Variants in GLIS3 observed in about 807,000 individuals in gnomAD.
The protein encoded by GLIS3 is zinc finger protein GLIS3.
GLIS3 carries 53 observed loss-of-function variants against 78.6 expected under a neutral mutation model. The observed-to-expected ratio is 0.67, with a 90% CI of 0.54 to 0.85. The LOEUF is 0.85. Among genes scored for constraint, GLIS3 ranks in the 40% least tolerant of loss-of-function variants. GLIS3 has a pLI of 0.00. For missense variants in GLIS3, 1,703 were observed against 1,231.1 expected (o/e 1.38, Z -5.74); for synonymous variants, 684 against 509.9 (o/e 1.34, Z -4.60).
At chr9:3,956,896 C>A (rs1554657747) in intron 4 of GLIS3, among the ~76,000 whole-genome samples, 1 of 152,032 alleles carries the variant, frequency 6.6e-6, no homozygotes, top group East Asian at 1.9e-4. Flanking sequence ...CTCTCAGGCA[C>A]ATCAATAACA....
intron 2 of GLIS3, among the ~76,000 whole-genome samples, chr9:4,316,515 T>G (rs10739047): frequency 2.6e-5 from 4 of 152,130 alleles, no homozygotes; most frequent in African/African-American, 7.2e-5. Context: ...CTGGCCAGAT[T>G]CACTGTGTGG....
rs745417224 is a variant in GLIS3, at chr9:4,286,136, C to A, written c.290G>T (p.Arg97Leu). The change falls in exon 2 of 11, where the codon CGA (arginine) becomes CTA (leucine). Residue 97 changes from arginine to leucine, a missense_variant. Physicochemically the swap from Arg to Leu is moderately radical, Grantham distance 102. Transcript: ENST00000381971. ...RRQMLTNGKP[R>L]FQVTQAGGMS... ...GCCTCCAGCCTGGGTGACCTGGAATCGCGGCTTCCCATTGGTGAGCATTTG... is the reference window on the plus strand; with the variant it reads ...GCCTCCAGCCTGGGTGACCTGGAATAGCGGCTTCCCATTGGTGAGCATTTG... The A allele has an allele frequency of 1.2e-6, 2 of 1,613,730 alleles. No individual in the cohort carries two copies. Among genetic ancestry groups the A allele is most frequent in the Non-Finnish European group, 8.5e-7 (1 of 1,179,636 alleles).
chr9:4,216,193 C>T (rs1679031867), intron 2 of GLIS3, among the ~76,000 whole-genome samples: 1 of 151,772 alleles, frequency 6.6e-6, no homozygotes, highest in Admixed American at 6.6e-5. Flanking sequence ...TGGGTTGAGG[C>T]CAGGCACGGT....
intron 2 of GLIS3, among the ~76,000 whole-genome samples, chr9:4,251,073 G>A (rs1372759033): frequency 1.3e-5 from 2 of 152,172 alleles, no homozygotes; most frequent in East Asian, 1.9e-4. Context: ...TGAGAAGAAT[G>A]CTTATTCTGT....
chr9:4,183,390 A>AT (rs1817499514), intron 2 of GLIS3, among the ~76,000 whole-genome samples: 1 of 152,194 alleles, frequency 6.6e-6, no homozygotes, highest in African/African-American at 2.4e-5. Context: ...CATTACTCAT[A>AT]TAATAGATAT....
chr9:4,273,655 T>C (rs563938927), intron 2 of GLIS3, among the ~76,000 whole-genome samples: 2 of 151,994 alleles, frequency 1.3e-5, no homozygotes, highest in African/African-American at 4.8e-5. Flanking sequence ...ACATTTATCA[T>C]CTAACTTCAA....
intron 2 of GLIS3, among the ~76,000 whole-genome samples, chr9:4,178,708 A>G (rs1817014854): frequency 6.6e-6 from 1 of 152,216 alleles, no homozygotes; most frequent in Non-Finnish European, 1.5e-5. Flanking sequence ...ACTGTCTTAG[A>G]GCGTATAGAA....
At chr9:4,039,847 G>A (rs1353319763) in intron 4 of GLIS3, among the ~76,000 whole-genome samples, 2 of 152,190 alleles carry the variant, frequency 1.3e-5, no homozygotes, top group Admixed American at 6.5e-5. Flanking sequence ...CAAGTTAGAA[G>A]CAGATGGAGC....
chr9:4,388,222 T>C, the GLIS3 span, among the ~76,000 whole-genome samples: 1 of 152,188 alleles, frequency 6.6e-6, no homozygotes, highest in African/African-American at 2.4e-5. Flanking sequence ...TCTATGTTCA[T>C]AGAGGAATAA....
the GLIS3 span, among the ~76,000 whole-genome samples, chr9:4,354,632 C>G: frequency 1.1e-3 from 171 of 152,288 alleles, no homozygotes; most frequent in South Asian, 0.019. Context: ...GTGCACTATT[C>G]AAGGGGCTTT....
intron 6 of GLIS3, among the ~76,000 whole-genome samples, chr9:3,908,405 G>A (rs1029698818): frequency 6.6e-6 from 1 of 152,130 alleles, no homozygotes; most frequent in Non-Finnish European, 1.5e-5. Flanking sequence ...ACAACTCCAA[G>A]GCTCGGAAAC....
chr9:4,210,733 G>A (rs751054315), intron 2 of GLIS3, among the ~76,000 whole-genome samples: 2 of 152,206 alleles, frequency 1.3e-5, no homozygotes, highest in African/African-American at 4.8e-5. Context: ...GTACCTGCAG[G>A]CCCCACTGGC....
intron 4 of GLIS3, among the ~76,000 whole-genome samples, chr9:3,944,184 T>C (rs1394734225): frequency 6.6e-6 from 1 of 151,954 alleles, no homozygotes; most frequent in South Asian, 2.1e-4. Flanking sequence ...GCTTAAAAAA[T>C]GAAAATGAAA....
chr9:4,387,991 A>G, the GLIS3 span, among the ~76,000 whole-genome samples: 6 of 152,316 alleles, frequency 3.9e-5, no homozygotes, highest in East Asian at 1.2e-3. Context: ...CCTTCTGGCA[A>G]TGTTCTCTTT....
At chr9:4,046,129 G>A (rs1825228238) in intron 4 of GLIS3, among the ~76,000 whole-genome samples, 1 of 152,102 alleles carries the variant, frequency 6.6e-6, no homozygotes, top group South Asian at 2.1e-4. Flanking sequence ...ATTTTATAAG[G>A]TCTCTTATGG....
the GLIS3 span, among the ~76,000 whole-genome samples, chr9:4,405,304 A>T: frequency 6.6e-6 from 1 of 151,994 alleles, no homozygotes; most frequent in Admixed American, 6.6e-5. Flanking sequence ...TGGGGAGTCG[A>T]GATCGTGCCA....
intron 3 of GLIS3, among the ~76,000 whole-genome samples, chr9:4,120,413 C>T (rs1436189768): frequency 3.3e-5 from 5 of 152,220 alleles, no homozygotes; most frequent in Non-Finnish European, 4.4e-5. Context: ...TGGTCCACAT[C>T]CTTAAATTCG....
chr9:4,237,628 A>G (rs1334864987), intron 2 of GLIS3, among the ~76,000 whole-genome samples: 1 of 152,166 alleles, frequency 6.6e-6, no homozygotes, highest in Non-Finnish European at 1.5e-5. Flanking sequence ...TTTTACCCCA[A>G]TTCCATAAAT....
intron 4 of GLIS3, among the ~76,000 whole-genome samples, chr9:3,963,119 A>G (rs1817690402): frequency 6.6e-6 from 1 of 152,206 alleles, no homozygotes; most frequent in South Asian, 2.1e-4. Context: ...AGGTTGCCAA[A>G]GACTGCATGT....
Sources: gnomAD v4.1 joint callset for allele counts (sites outside exome capture counted in the v4.1 genomes callset) on GRCh38, gnomAD v4.1.1 for gene constraint, MANE v1.5 for transcripts, NCBI Gene and HGNC (gene_info 2026-07-23, HGNC 2026-07-21) for gene names.